SUPT3H: variants seen among roughly 807,000 people sequenced by gnomAD.
The protein encoded by SUPT3H is transcription initiation protein SPT3 homolog.
In SUPT3H, 44 loss-of-function variants were observed where a neutral mutation model predicts 44.3. The ratio of observed to expected loss-of-function variants is 0.99; its 90% CI spans 0.78 to 1.28. The LOEUF (loss-of-function observed/expected upper bound fraction) is 1.28, where lower values mean the gene tolerates loss of function less well. Ranked by LOEUF, SUPT3H falls within the 50% of genes most tolerant of loss-of-function variation. The pLI, the probability that SUPT3H is intolerant of heterozygous loss-of-function variation, is 0.00. For missense variants in SUPT3H, 380 were observed against 387.1 expected (o/e 0.98, Z 0.15); for synonymous variants, 124 against 125.6 (o/e 0.99, Z 0.09).
chr6:45,195,482 A>G (rs1584185362), intron 2 of SUPT3H, among the ~76,000 whole-genome samples: 1 of 152,194 alleles, frequency 6.6e-6, no homozygotes, highest in Admixed American at 6.5e-5. Flanking sequence ...CACTTGTGCC[A>G]TAATGTCAAA....
chr6:44,884,618 A>G (rs1306326249), intron 10 of SUPT3H, among the ~76,000 whole-genome samples: 1 of 152,192 alleles, frequency 6.6e-6, no homozygotes, highest in African/African-American at 2.4e-5. Context: ...CTGGATAAAG[A>G]AAATGTGGAT....
chr6:45,152,780 C>T lies in SUPT3H; in HGVS notation c.102-46774G>A, dbSNP rs866703471. On this transcript the variant is annotated intron_variant, in intron 2 of 10. Transcript: ENST00000371459. The stretch of plus-strand genomic sequence containing the variant: ...GTGCTGGGATTACAGGCATGAGCCA[C>T]CACACCCAGCTCCTAGAGTAATCCT... 4.6e-5 allele frequency among the ~76,000 whole-genome samples: 7 copies of T among 152,262 alleles called. No homozygotes were observed. In the South Asian group the frequency reaches 1.5e-3, roughly 32 times the overall value.
At chr6:45,130,262 C>T (rs1285002) in intron 2 of SUPT3H, among the ~76,000 whole-genome samples, 150,424 of 152,318 alleles carry the variant, frequency 0.99, 74,316 homozygotes, top group East Asian at 1. Context: ...ATTTAATAAT[C>T]GAATTATACA....
At chr6:45,176,512 T>C (rs949276194) in intron 2 of SUPT3H, among the ~76,000 whole-genome samples, 5 of 152,060 alleles carry the variant, frequency 3.3e-5, no homozygotes, top group Non-Finnish European at 5.9e-5. Flanking sequence ...GCGCCTGCCA[T>C]TGCCCAGGCT....
intron 10 of SUPT3H, among the ~76,000 whole-genome samples, chr6:44,881,986 C>A (rs1455663857): frequency 1.3e-5 from 2 of 151,974 alleles, no homozygotes; most frequent in Non-Finnish European, 2.9e-5. Flanking sequence ...ACTAGAGAAG[C>A]AAGAGCAAAC....
At chr6:45,296,401 T>A (rs1473265283) in intron 2 of SUPT3H, among the ~76,000 whole-genome samples, 1 of 151,756 alleles carries the variant, frequency 6.6e-6, no homozygotes, top group East Asian at 1.9e-4. Context: ...CAATGGACTT[T>A]GGGGACTCAG....
chr6:45,112,425 G>A (rs1800198797), intron 2 of SUPT3H, among the ~76,000 whole-genome samples: 1 of 151,988 alleles, frequency 6.6e-6, no homozygotes, highest in Non-Finnish European at 1.5e-5. Flanking sequence ...AAGGTGGGGG[G>A]TGTTGAACAT....
intron 5 of SUPT3H, among the ~76,000 whole-genome samples, chr6:45,005,094 G>C (rs909400935): frequency 3.9e-5 from 6 of 152,152 alleles, no homozygotes; most frequent in African/African-American, 1.4e-4. Context: ...CATTTTAATG[G>C]AAGTTAAGAG....
rs559554615 is a variant in SUPT3H at position 44,829,957 on chromosome 6, T to C, written c.913-100A>G. The C allele has an allele frequency of 2.9e-6, 3 of 1,040,324 alleles. No homozygotes were observed. The African/African-American group carries it at 4.7e-5, about 16-fold the overall frequency. The allele number at this position is 1,040,324 out of a possible 1,614,324, so 64.4% of individuals were successfully genotyped here. On this transcript the variant is annotated intron_variant, in intron 10 of 10. Transcript: ENST00000371459. ...AGCCCTCTTCCTGTTTTGTAGACTC[T>C]GCTGGCTACAATCTAATAGAATGCT...
intron 2 of SUPT3H, among the ~76,000 whole-genome samples, chr6:45,291,553 T>G (rs777466636): frequency 2.0e-5 from 3 of 152,066 alleles, no homozygotes; most frequent in Non-Finnish European, 4.4e-5. Context: ...CAAAAAATAT[T>G]ACACGAAGTG....
intron 6 of SUPT3H, among the ~76,000 whole-genome samples, chr6:44,989,897 A>ATATATAT (rs1333734369): frequency 2.0e-5 from 3 of 151,964 alleles, no homozygotes; most frequent in Non-Finnish European, 2.9e-5. Context: ...TTTGGGTATT[A>ATATATAT]ACTCCTTATC....
chr6:45,110,040 C>T (rs1030323485), intron 2 of SUPT3H, among the ~76,000 whole-genome samples: 2 of 152,196 alleles, frequency 1.3e-5, no homozygotes, highest in African/African-American at 4.8e-5. Flanking sequence ...TCCTGGTCTC[C>T]TGCAGCAGTC....
chr6:45,215,927 C>A (rs1764964052), intron 2 of SUPT3H, among the ~76,000 whole-genome samples: 1 of 152,072 alleles, frequency 6.6e-6, no homozygotes, highest in African/African-American at 2.4e-5. Context: ...ACAAGCAAGA[C>A]AAGTGTCAAG....
intron 2 of SUPT3H, among the ~76,000 whole-genome samples, chr6:45,309,047 A>C (rs2149978061): frequency 6.6e-6 from 1 of 152,116 alleles, no homozygotes; most frequent in East Asian, 1.9e-4. Context: ...GCTACTTTAA[A>C]ATATGCATAT....
At chr6:45,193,230 C>G (rs1815436809) in intron 2 of SUPT3H, among the ~76,000 whole-genome samples, 1 of 151,978 alleles carries the variant, frequency 6.6e-6, no homozygotes, top group South Asian at 2.1e-4. Flanking sequence ...CACTTATATC[C>G]ATTTATATAT....
intron 6 of SUPT3H, among the ~76,000 whole-genome samples, chr6:44,982,182 TTTTGTTTG>T (rs66595702): frequency 5.3e-5 from 8 of 151,588 alleles, no homozygotes; most frequent in African/African-American, 9.7e-5. Context: ...CAATGATTCT[TTTTGTTTG>T]TTTGTTTGTT....
intron 2 of SUPT3H, among the ~76,000 whole-genome samples, chr6:45,219,236 TC>T (rs745961424): frequency 2.0e-5 from 3 of 151,596 alleles, no homozygotes; most frequent in Non-Finnish European, 4.4e-5. Flanking sequence ...TGGAAGGAAA[TC>T]ATAAAGATAA....
chr6:44,883,116 T>C (rs1190929424), intron 10 of SUPT3H, among the ~76,000 whole-genome samples: 1 of 152,242 alleles, frequency 6.6e-6, no homozygotes, highest in Non-Finnish European at 1.5e-5. Context: ...GCAGGTGACA[T>C]GATTGTATAT....
chr6:45,251,359 C>T (rs1262670500), intron 2 of SUPT3H, among the ~76,000 whole-genome samples: 3 of 150,994 alleles, frequency 2.0e-5, no homozygotes, highest in African/African-American at 7.3e-5. Flanking sequence ...TTAGTCTCTT[C>T]TTTAAACTTA....
Sources: allele counts gnomAD v4.1 joint callset (sites outside exome capture counted in the v4.1 genomes callset), GRCh38; gene constraint gnomAD v4.1.1; transcripts MANE v1.5; gene names NCBI Gene and HGNC (gene_info 2026-07-23, HGNC 2026-07-21).